Variants in KCNK1 observed in about 807,000 individuals in gnomAD.
The protein encoded by KCNK1 is potassium two pore domain channel subfamily K member 1.
A neutral mutation model predicts 22.2 loss-of-function variants in KCNK1; 10 were observed. That is an observed-to-expected ratio of 0.45 (90% CI 0.28 to 0.76). KCNK1 has a LOEUF of 0.76. Ranked by LOEUF, KCNK1 falls within the 30% of genes least tolerant of loss-of-function variation. KCNK1 has a pLI of 0.14. For missense variants in KCNK1, 378 were observed against 421.0 expected (o/e 0.90, Z 0.89); for synonymous variants, 200 against 186.4 (o/e 1.07, Z -0.60).
At chr1:233,619,076 G>A (rs1657533663) in intron 1 of KCNK1, among the ~76,000 whole-genome samples, 1 of 152,094 alleles carries the variant, frequency 6.6e-6, no homozygotes, top group African/African-American at 2.4e-5. Context: ...GGAGTGCAGT[G>A]ACACTATCGT....
At chr1:233,638,617 G>T (rs1657951321) in intron 1 of KCNK1, among the ~76,000 whole-genome samples, 1 of 152,144 alleles carries the variant, frequency 6.6e-6, no homozygotes, top group Non-Finnish European at 1.5e-5. Context: ...CCAGCCTCAG[G>T]GCCTCCCCTT....
chr1:233,627,778 G>A (rs1325799274), intron 1 of KCNK1, among the ~76,000 whole-genome samples: 1 of 152,084 alleles, frequency 6.6e-6, no homozygotes, highest in African/African-American at 2.4e-5. Context: ...AACCAAGATG[G>A]AATAAGGAAA....
At chr1:233,655,862 G>A (rs1658281989) in intron 1 of KCNK1, 1 of 147,848 alleles carries the variant, frequency 6.8e-6, no homozygotes, top group Admixed American at 6.8e-5. Flanking sequence ...AGCTTGAACA[G>A]ACTAAGATAC....
At chr1:233,642,306 A>G (rs1658012703) in intron 1 of KCNK1, among the ~76,000 whole-genome samples, 1 of 152,170 alleles carries the variant, frequency 6.6e-6, no homozygotes, top group African/African-American at 2.4e-5. Context: ...CCAGGTTTCC[A>G]CTTCTATCTC....
At chr1:233,623,470 T>G (rs1169252600) in intron 1 of KCNK1, among the ~76,000 whole-genome samples, 1 of 152,232 alleles carries the variant, frequency 6.6e-6, no homozygotes, top group Non-Finnish European at 1.5e-5. Context: ...ACATTTGAGA[T>G]GATGGATATG....
Position 233,614,163 on chromosome 1 carries a change from G to C in KCNK1, c.-9G>C. ...TGCGGCGTTGGCCTTGGCGGCGGCG[G>C]TGGAGAAGATGCTGCAGTCCCTGGC... On this transcript the variant is annotated 5_prime_UTR_variant, in exon 1 of 3. Coordinates refer to ENST00000366621, the MANE Select transcript of KCNK1 (RefSeq NM_002245.4). The C allele has an allele frequency of 1.6e-6, 2 of 1,227,682 alleles. No homozygotes were observed. The highest frequency in any genetic ancestry group is 2.2e-6 in the Non-Finnish European group (2 of 913,862). The allele number at this position is 1,227,682 out of a possible 1,614,324, so 76.0% of individuals were successfully genotyped here.
intron 1 of KCNK1, among the ~76,000 whole-genome samples, chr1:233,646,379 C>A (rs1044276953): frequency 6.6e-6 from 1 of 152,032 alleles, no homozygotes; most frequent in Non-Finnish European, 1.5e-5. Context: ...GGTGGAAAAA[C>A]CACAAATGTA....
At chr1:233,631,501 T>C (rs576503531) in intron 1 of KCNK1, 2 of 342,654 alleles carry the variant, frequency 5.8e-6, no homozygotes, top group East Asian at 7.7e-5. Flanking sequence ...GAGCTTGCCA[T>C]TAATCTAACT....
chr1:233,631,570 A>G (rs1657793154), intron 1 of KCNK1: 1 of 307,362 alleles, frequency 3.3e-6, no homozygotes, highest in African/African-American at 2.2e-5. Context: ...AGAGTGCACT[A>G]AAGTTACCCT....
intron 1 of KCNK1, chr1:233,624,272 A>C (rs1056748033): frequency 6.6e-6 from 1 of 152,522 alleles, no homozygotes; most frequent in African/African-American, 2.4e-5. Context: ...ATCCCAGGAA[A>C]GTGTGCTCCC....
intron 1 of KCNK1, among the ~76,000 whole-genome samples, chr1:233,619,918 G>T (rs982015907): frequency 6.9e-6 from 1 of 144,402 alleles, no homozygotes; most frequent in East Asian, 2.3e-4. Flanking sequence ...GTCTAAGCGA[G>T]GGGGGCGGGG....
chr1:233,634,810 G>A (rs1657869907), intron 1 of KCNK1, among the ~76,000 whole-genome samples: 2 of 152,362 alleles, frequency 1.3e-5, no homozygotes, highest in South Asian at 4.1e-4. Context: ...TCTGTTGGGA[G>A]CAGACAGAAG....
intron 1 of KCNK1, among the ~76,000 whole-genome samples, chr1:233,652,457 C>T (rs1012890687): frequency 5.3e-5 from 8 of 152,192 alleles, no homozygotes; most frequent in African/African-American, 1.7e-4. Context: ...CCCCTAGTCT[C>T]TTTATCTGTA....
At chr1:233,667,400 T>C (rs1468463006) in intron 2 of KCNK1, among the ~76,000 whole-genome samples, 1 of 152,196 alleles carries the variant, frequency 6.6e-6, no homozygotes, top group Non-Finnish European at 1.5e-5. Flanking sequence ...ACGAATTTCT[T>C]ACTAATAATG....
chr1:233,618,491 G>A (rs41495154), intron 1 of KCNK1, among the ~76,000 whole-genome samples: 6,303 of 151,920 alleles, frequency 0.041, 416 homozygotes, highest in African/African-American at 0.14. Flanking sequence ...GGACAGTGTC[G>A]TTCATTCTTA....
chr1:233,625,872 G>A (rs893444395), intron 1 of KCNK1, among the ~76,000 whole-genome samples: 2 of 152,264 alleles, frequency 1.3e-5, no homozygotes, highest in African/African-American at 2.4e-5. Flanking sequence ...AGTGACTGTG[G>A]CTGGAGCTGA....
rs146838932 is a variant in KCNK1 at position 233,649,852 on chromosome 1, C to G, written c.356-16743C>G. ...TTCAGACTGTAGCAGGGAATGAAAT[C>G]TTTGGGCACCCAGCAAATGGATATC... On this transcript the variant is annotated intron_variant, in intron 1 of 2. Transcript: ENST00000366621. 6.7e-6 allele frequency: 3 copies of G among 445,178 alleles called. No individual in the cohort carries two copies. In the East Asian group the frequency reaches 1.9e-4, roughly 28 times the overall value. 27.6% of individuals were successfully genotyped at this position (445,178 alleles called of 1,614,324 possible).
At chr1:233,625,857 T>C (rs889973983) in intron 1 of KCNK1, among the ~76,000 whole-genome samples, 3 of 152,094 alleles carry the variant, frequency 2.0e-5, no homozygotes. Flanking sequence ...GAGGTGCAGC[T>C]AGAAAGTGAC....
intron 1 of KCNK1, among the ~76,000 whole-genome samples, chr1:233,651,997 A>C (rs1658208875): frequency 1.3e-5 from 2 of 152,230 alleles, no homozygotes; most frequent in Admixed American, 6.5e-5. Context: ...CCAAAGGTGA[A>C]CAAAGGTGAT....
Sources: allele counts gnomAD v4.1 joint callset (sites outside exome capture counted in the v4.1 genomes callset), GRCh38; gene constraint gnomAD v4.1.1; transcripts MANE v1.5; gene names NCBI Gene and HGNC (gene_info 2026-07-23, HGNC 2026-07-21).